Variants in RANBP17 observed in about 807,000 individuals in gnomAD.
The protein encoded by RANBP17 is ran-binding protein 17.
A neutral mutation model predicts 141.2 loss-of-function variants in RANBP17; 158 were observed. The ratio of observed to expected loss-of-function variants is 1.12; its 90% CI spans 0.98 to 1.28. The LOEUF is 1.28. Ranked by LOEUF, RANBP17 falls within the 50% of genes most tolerant of loss-of-function variation. RANBP17 has a pLI of 0.00. For synonymous variants in RANBP17, 430 were observed against 450.0 expected (o/e 0.96, Z 0.56); for missense variants, 1,438 against 1,290.7 (o/e 1.11, Z -1.75).
At chr5:171,068,988 G>A (rs2608090) in intron 14 of RANBP17, among the ~76,000 whole-genome samples, 92,522 of 151,494 alleles carry the variant, frequency 0.61, 29,574 homozygotes, top group South Asian at 0.88. Context: ...GATATTTTGC[G>A]AAAACTATCC....
chr5:171,288,438 C>T (rs1561831958), intron 25 of RANBP17, among the ~76,000 whole-genome samples: 2 of 152,318 alleles, frequency 1.3e-5, no homozygotes, highest in East Asian at 1.9e-4. Context: ...TAAAGTAGGT[C>T]GTACAGCCTC....
intron 22 of RANBP17, among the ~76,000 whole-genome samples, chr5:171,235,480 C>G (rs993503921): frequency 6.6e-6 from 1 of 151,790 alleles, no homozygotes; most frequent in Admixed American, 6.6e-5. Context: ...GAGATGGGAA[C>G]TAGTTGGACA....
intron 25 of RANBP17, among the ~76,000 whole-genome samples, chr5:171,283,713 C>A (rs1331651784): frequency 1.3e-5 from 2 of 152,094 alleles, no homozygotes; most frequent in Non-Finnish European, 2.9e-5. Context: ...ATATGTGAAC[C>A]CTAAGCAGTG....
intron 14 of RANBP17, among the ~76,000 whole-genome samples, chr5:171,047,271 G>C (rs999783765): frequency 3.3e-5 from 5 of 151,322 alleles, no homozygotes; most frequent in African/African-American, 1.2e-4. Flanking sequence ...ACCCACCTCG[G>C]CACCCCAAAG....
chr5:171,026,101 C>A (rs1020460055), intron 14 of RANBP17, among the ~76,000 whole-genome samples: 8 of 152,050 alleles, frequency 5.3e-5, no homozygotes, highest in Non-Finnish European at 1.2e-4. Flanking sequence ...TTTTAATTAT[C>A]ACAAAACCCC....
chr5:171,238,356 T>G (rs1484473651), intron 22 of RANBP17, among the ~76,000 whole-genome samples: 1 of 147,052 alleles, frequency 6.8e-6, no homozygotes, highest in East Asian at 2.0e-4. Context: ...AATTGCAATA[T>G]TAACATAGAG....
intron 5 of RANBP17, among the ~76,000 whole-genome samples, chr5:170,900,151 T>C (rs1223470248): frequency 6.6e-6 from 1 of 150,940 alleles, no homozygotes. Context: ...GGTCCAGGGC[T>C]TTTTTTTTGG....
At chr5:170,959,273 G>T (rs1180212355) in intron 13 of RANBP17, among the ~76,000 whole-genome samples, 1 of 152,074 alleles carries the variant, frequency 6.6e-6, no homozygotes, top group Non-Finnish European at 1.5e-5. Context: ...AACTTCAGCT[G>T]CTTTCTGATC....
chr5:170,953,769 G>T, intron 13 of RANBP17, 67 bp downstream of exon 13: 1 of 995,140 alleles, frequency 1.0e-6, no homozygotes, highest in East Asian at 2.5e-5. Context: ...TATTGAACTA[G>T]TATTATGAGT....
intron 5 of RANBP17, among the ~76,000 whole-genome samples, chr5:170,897,973 A>G (rs1203617618): frequency 6.6e-6 from 1 of 152,202 alleles, no homozygotes; most frequent in Non-Finnish European, 1.5e-5. Context: ...TAGATCCTTG[A>G]GGAATTGCCA....
In RANBP17 at chr5:170,916,541, G is replaced by T; in HGVS notation, c.911G>T (p.Gly304Val). 1 of 1,579,030 alleles carries T rather than the reference G, an allele frequency of 6.3e-7. No homozygotes were observed. The highest frequency in any genetic ancestry group is 8.6e-7 in the Non-Finnish European group (1 of 1,158,582). ...FNSPERAKYL[G>V]NLIKGVKRIL... ...AGTCCTGAACGTGCCAAGTACCTTG[G>T]TAATTTAATTAAGGGAGTAAAAAGG... The change falls in exon 9 of 28, where the codon GGT (glycine) becomes GTT (valine). Residue 304 changes from glycine to valine, a missense_variant. Transcript: ENST00000523189.
At chr5:171,186,868 C>T (rs1761294815) in intron 18 of RANBP17, among the ~76,000 whole-genome samples, 1 of 151,880 alleles carries the variant, frequency 6.6e-6, no homozygotes, top group Non-Finnish European at 1.5e-5. Flanking sequence ...TTCACTTTCT[C>T]ATTGTGTGTT....
chr5:171,073,153 T>G (rs1350044524), intron 14 of RANBP17, among the ~76,000 whole-genome samples: 2 of 152,096 alleles, frequency 1.3e-5, no homozygotes, highest in African/African-American at 4.8e-5. Flanking sequence ...GAATGAACTT[T>G]CCTGGTGTAA....
At chr5:171,288,938 A>G (rs943768890) in intron 25 of RANBP17, among the ~76,000 whole-genome samples, 7 of 152,242 alleles carry the variant, frequency 4.6e-5, no homozygotes, top group African/African-American at 1.7e-4. Context: ...AGATCCTTGC[A>G]AATGAACAAT....
intron 13 of RANBP17, among the ~76,000 whole-genome samples, chr5:170,954,511 TACACACACACACACAC>T (rs71787034): frequency 2.1e-4 from 26 of 125,706 alleles, no homozygotes; most frequent in Admixed American, 1.9e-3. Context: ...TGGTATATTT[TACACACACACACACAC>T]ACACACACAC....
At chr5:170,891,686 G>A (rs188801104) in intron 3 of RANBP17, among the ~76,000 whole-genome samples, 28 of 152,132 alleles carry the variant, frequency 1.8e-4, no homozygotes, top group Admixed American at 5.2e-4. Flanking sequence ...AGGGGGAGGT[G>A]CTTCACACTT....
intron 20 of RANBP17, among the ~76,000 whole-genome samples, chr5:171,211,773 G>A (rs568635048): frequency 5.3e-5 from 8 of 152,058 alleles, no homozygotes; most frequent in Admixed American, 3.3e-4. Flanking sequence ...CTGTCTAATA[G>A]GAGAAAGTGT....
intron 14 of RANBP17, among the ~76,000 whole-genome samples, chr5:170,973,846 G>A (rs1382424143): frequency 6.6e-6 from 1 of 152,124 alleles, no homozygotes; most frequent in African/African-American, 2.4e-5. Flanking sequence ...TTCACATAGT[G>A]GAAAGGGCAC....
intron 14 of RANBP17, among the ~76,000 whole-genome samples, chr5:171,064,741 G>A (rs982375458): frequency 4.0e-5 from 6 of 151,430 alleles, no homozygotes; most frequent in African/African-American, 1.2e-4. Context: ...GGCTGGTGTC[G>A]AACTCTTGAG....
Sources: gnomAD v4.1 joint callset for allele counts (sites outside exome capture counted in the v4.1 genomes callset) on GRCh38, gnomAD v4.1.1 for gene constraint, MANE v1.5 for transcripts, NCBI Gene and HGNC (gene_info 2026-07-23, HGNC 2026-07-21) for gene names.